The following PPP2R2B variants were observed in gnomAD, a reference collection of about 807,000 sequenced individuals.
The protein encoded by PPP2R2B is serine/threonine-protein phosphatase 2A 55 kDa regulatory subunit B beta isoform.
A neutral mutation model predicts 46.0 loss-of-function variants in PPP2R2B; 5 were observed. The observed-to-expected ratio is 0.11, with a 90% CI of 0.06 to 0.23. The LOEUF (loss-of-function observed/expected upper bound fraction) is 0.23. Among genes scored for constraint, PPP2R2B ranks in the 10% least tolerant of loss-of-function variants. PPP2R2B has a pLI of 1.00. For synonymous variants in PPP2R2B, 215 were observed against 206.7 expected (o/e 1.04, Z -0.34); for missense variants, 367 against 575.0 (o/e 0.64, Z 3.70).
chr5:146,664,912 C>T (rs1176276551), intron 5 of PPP2R2B, among the ~76,000 whole-genome samples: 1 of 152,108 alleles, frequency 6.6e-6, no homozygotes, highest in Non-Finnish European at 1.5e-5. Flanking sequence ...GGTGCATTGT[C>T]AATGAGCAGT....
At chr5:146,609,921 C>T (rs572138793) in intron 7 of PPP2R2B, among the ~76,000 whole-genome samples, 1 of 145,462 alleles carries the variant, frequency 6.9e-6, no homozygotes, top group South Asian at 2.2e-4. Flanking sequence ...GGGGGAGGGG[C>T]GCCCGCCATT....
chr5:146,921,416 G>A (rs1763603284), intron 1 of PPP2R2B, among the ~76,000 whole-genome samples: 1 of 152,316 alleles, frequency 6.6e-6, no homozygotes, highest in Non-Finnish European at 1.5e-5. Flanking sequence ...CATCTCTCAT[G>A]TGAGGTGGGA....
chr5:146,758,183 T>C (rs150893733), intron 2 of PPP2R2B, among the ~76,000 whole-genome samples: 2 of 152,260 alleles, frequency 1.3e-5, no homozygotes, highest in Non-Finnish European at 2.9e-5. Context: ...ATACAAGCAT[T>C]CTCCTTGGCT....
chr5:146,647,688 C>G (rs910978163), intron 6 of PPP2R2B, among the ~76,000 whole-genome samples: 2 of 152,190 alleles, frequency 1.3e-5, no homozygotes, highest in African/African-American at 2.4e-5. Flanking sequence ...CTCCCCTCCC[C>G]CTTGAAGGCC....
intron 6 of PPP2R2B, among the ~76,000 whole-genome samples, chr5:146,640,814 C>T (rs764610843): frequency 1.3e-5 from 2 of 152,178 alleles, no homozygotes; most frequent in South Asian, 4.1e-4. Flanking sequence ...CAGGCACATC[C>T]TCCACCATCA....
chr5:147,079,767 G>A (rs1277868535), intron 2 of PPP2R2B, among the ~76,000 whole-genome samples: 1 of 151,974 alleles, frequency 6.6e-6, no homozygotes. Flanking sequence ...TTGTTCTATA[G>A]CACAGTAGGG....
rs116098478 is a variant in PPP2R2B, at chr5:146,783,932, G to A, written c.71-82790C>T. Among the ~76,000 whole-genome samples the A allele has an allele frequency of 3.8e-3, 574 of 152,310 alleles. 5 individuals carry two copies. The highest frequency in any genetic ancestry group is 0.013 in the African/African-American group (547 of 41,570). On this transcript the variant is annotated intron_variant, in intron 2 of 9. Coordinates refer to ENST00000394411, the MANE Select transcript of PPP2R2B (RefSeq NM_181675.4). ...CATTAGAATATCAAGGAAGATCAGA[G>A]TATGTATATATCTTTGTGTGTGTAC...
At chr5:147,056,210 C>T (rs1757077743), upstream of PPP2R2B, 1 of 820,518 alleles carries the variant, frequency 1.2e-6, no homozygotes, top group Non-Finnish European at 1.5e-6. Flanking sequence ...GCATAGTGTT[C>T]TGCCCTGGAG....
rs192005917 is a variant in PPP2R2B, at chr5:146,831,454, G to A, written c.70+46548C>T. 6.1e-3 allele frequency among the ~76,000 whole-genome samples: 865 copies of A among 140,988 alleles called. 27 individuals carry two copies. The highest frequency in any genetic ancestry group is 0.047 in the Admixed American group (635 of 13,604). 92.5% of individuals were successfully genotyped at this position (140,988 alleles called of 152,430 possible). On this transcript the variant is annotated intron_variant, in intron 2 of 9. Transcript: ENST00000394411. ...TGAGGTTGCAGTGAGCCGAGATTGCGGCACTGCACTCCAGCCTGGGGGATA... is the reference window on the plus strand; with the variant it reads ...TGAGGTTGCAGTGAGCCGAGATTGCAGCACTGCACTCCAGCCTGGGGGATA...
chr5:146,759,181 C>T (rs1754009829), intron 2 of PPP2R2B, among the ~76,000 whole-genome samples: 1 of 152,092 alleles, frequency 6.6e-6, no homozygotes. Context: ...CATTTTTCTC[C>T]CTTGCTATTG....
chr5:146,636,358 G>A (rs1774822022), intron 7 of PPP2R2B, among the ~76,000 whole-genome samples: 1 of 152,162 alleles, frequency 6.6e-6, no homozygotes, highest in Admixed American at 6.5e-5. Context: ...GGGAGTGGGG[G>A]TAGAAACATA....
rs1770333184 is a variant in PPP2R2B, at chr5:146,589,090, T to TAA, written c.*855_*856dup. Reference sequence around the variant, plus strand: ...GGCCTTTAGAAGTCAATGGAATAAATAAGCTGGAAAAGGTTGAAGAGAAAA... The same window carrying TAA: ...GGCCTTTAGAAGTCAATGGAATAAATAAAAGCTGGAAAAGGTTGAAGAGAAAA... On this transcript the variant is annotated 3_prime_UTR_variant, in exon 10 of 10. Coordinates refer to ENST00000394411, the MANE Select transcript of PPP2R2B (RefSeq NM_181675.4). The TAA allele has an allele frequency of 6.6e-6, 1 of 152,022 alleles. No individual in the cohort carries two copies. Among genetic ancestry groups the TAA allele is most frequent in the South Asian group, 2.1e-4 (1 of 4,818 alleles). 9.4% of individuals were successfully genotyped at this position (152,022 alleles called of 1,614,324 possible).
At chr5:147,071,995 T>G (rs1296024115) in intron 2 of PPP2R2B, among the ~76,000 whole-genome samples, 1 of 152,210 alleles carries the variant, frequency 6.6e-6, no homozygotes, top group East Asian at 1.9e-4. Flanking sequence ...ATGCCCTGCA[T>G]TTTCAAGACA....
chr5:146,589,738 T>TAAAC lies in PPP2R2B; in HGVS notation c.*205_*208dup, dbSNP rs1379038550. The TAAAC allele has an allele frequency of 2.9e-5, 16 of 552,938 alleles. No homozygotes were observed. The highest frequency in any genetic ancestry group is 1.0e-4 in the South Asian group (4 of 38,926). The allele number at this position is 552,938 out of a possible 1,614,324, so 34.3% of individuals were successfully genotyped here. On this transcript the variant is annotated 3_prime_UTR_variant, in exon 10 of 10. Coordinates refer to ENST00000394411, the MANE Select transcript of PPP2R2B (RefSeq NM_181675.4). ...ACTGTTAGCTGGCAGCTTTCAATTC[T>TAAAC]AAACAGAAGTGTCCCAAACCTATTG...
intron 2 of PPP2R2B, among the ~76,000 whole-genome samples, chr5:147,074,579 T>G (rs1050883078): frequency 6.6e-6 from 1 of 152,160 alleles, no homozygotes; most frequent in African/African-American, 2.4e-5. Flanking sequence ...GACAACCCAG[T>G]TGGTTTTTAT....
At chr5:147,020,640 G>C (rs1000805515) in intron 1 of PPP2R2B, among the ~76,000 whole-genome samples, 1 of 152,106 alleles carries the variant, frequency 6.6e-6, no homozygotes, top group Non-Finnish European at 1.5e-5. Flanking sequence ...GTATCTTTCT[G>C]CTTATAGGGT....
At chr5:146,881,147 T>C (rs1156385984), upstream of PPP2R2B, among the ~76,000 whole-genome samples, 1 of 152,162 alleles carries the variant, frequency 6.6e-6, no homozygotes, top group African/African-American at 2.4e-5. Flanking sequence ...TCTTTTCCTC[T>C]AAAATGTCAA....
intron 1 of PPP2R2B, among the ~76,000 whole-genome samples, chr5:146,957,495 A>G (rs1189313636): frequency 6.6e-6 from 1 of 152,218 alleles, no homozygotes; most frequent in African/African-American, 2.4e-5. Context: ...GCTTCTTCAA[A>G]TAGTGTATTT....
intron 1 of PPP2R2B, among the ~76,000 whole-genome samples, chr5:147,049,605 G>A (rs1418259409): frequency 6.6e-6 from 1 of 152,196 alleles, no homozygotes; most frequent in Non-Finnish European, 1.5e-5. Flanking sequence ...AATATTTACA[G>A]TTTAGGAAGA....
Sources: allele counts gnomAD v4.1 joint callset (sites outside exome capture counted in the v4.1 genomes callset), GRCh38; gene constraint gnomAD v4.1.1; transcripts MANE v1.5; gene names NCBI Gene and HGNC (gene_info 2026-07-23, HGNC 2026-07-21).